The following DLG2 variants were observed in gnomAD, a reference collection of about 807,000 sequenced individuals.
The protein encoded by DLG2 is disks large homolog 2.
In DLG2, 45 loss-of-function variants were observed where a neutral mutation model predicts 132.5. That is an observed-to-expected ratio of 0.34 (90% CI 0.27 to 0.44). DLG2 has a LOEUF of 0.44. Among genes scored for constraint, DLG2 ranks in the 20% least tolerant of loss-of-function variants. DLG2 has a pLI of 1.00. For missense variants in DLG2, 1,045 were observed against 1,196.9 expected (o/e 0.87, Z 1.87); for synonymous variants, 424 against 419.6 (o/e 1.01, Z -0.13).
chr11:84,156,557 A>G lies in DLG2; in HGVS notation c.624+6904T>C, dbSNP rs565693565. ...CCCAACAGCTGCAGAATGTATGGCCATGTGATACTATTTGAACGTTTTGTC... is the reference window on the plus strand; with the variant it reads ...CCCAACAGCTGCAGAATGTATGGCCGTGTGATACTATTTGAACGTTTTGTC... On this transcript the variant is annotated intron_variant, in intron 9 of 27. Coordinates refer to ENST00000376104, the MANE Select transcript of DLG2 (RefSeq NM_001142699.3). 4.6e-5 allele frequency among the ~76,000 whole-genome samples: 7 copies of G among 152,336 alleles called. No homozygotes were observed. In the East Asian group the frequency reaches 1.4e-3, roughly 29 times the overall value.
intron 6 of DLG2, among the ~76,000 whole-genome samples, chr11:84,744,766 CAAAT>C (rs1169025226): frequency 2.0e-5 from 3 of 151,790 alleles, no homozygotes; most frequent in Non-Finnish European, 4.4e-5. Context: ...AGAAGAAAGA[CAAAT>C]AAATAAGTCT....
intron 3 of DLG2, among the ~76,000 whole-genome samples, chr11:85,313,205 G>T (rs1261001242): frequency 6.6e-6 from 1 of 151,824 alleles, no homozygotes; most frequent in Non-Finnish European, 1.5e-5. Context: ...AACTCTTTTG[G>T]CTAGCTAGAA....
rs549492196 is a variant in DLG2, at chr11:84,516,437, C to A, written c.519+18133G>T. On this transcript the variant is annotated intron_variant, in intron 7 of 27. Coordinates refer to ENST00000376104, the MANE Select transcript of DLG2 (RefSeq NM_001142699.3). ...AAGGATCATAGGAGACTATTATGAA[C>A]TATTATATATGGACAAATTGGATAA... Among the ~76,000 whole-genome samples, 4 of 151,528 alleles carry A rather than the reference C, an allele frequency of 2.6e-5. No homozygotes were observed. In the East Asian group the frequency reaches 5.8e-4, roughly 22 times the overall value.
intron 4 of DLG2, among the ~76,000 whole-genome samples, chr11:85,273,824 T>C (rs2077705788): frequency 6.6e-6 from 1 of 152,242 alleles, no homozygotes. Flanking sequence ...ATTGTGGCAC[T>C]ACTCACAATA....
intron 7 of DLG2, among the ~76,000 whole-genome samples, chr11:84,265,686 G>A (rs569649658): frequency 8.0e-4 from 121 of 152,138 alleles, no homozygotes; most frequent in Middle Eastern, 6.8e-3. Context: ...TAAATATAAG[G>A]AAGATAGGTA....
chr11:83,512,420 T>A (rs1455724564), intron 21 of DLG2, among the ~76,000 whole-genome samples: 10 of 152,094 alleles, frequency 6.6e-5, no homozygotes, highest in Admixed American at 6.6e-4. Context: ...AATAAACGAG[T>A]AATACAAATT....
chr11:84,109,723 G>A (rs2093225295), intron 9 of DLG2, among the ~76,000 whole-genome samples: 1 of 152,074 alleles, frequency 6.6e-6, no homozygotes, highest in South Asian at 2.1e-4. Flanking sequence ...TTCCTCTTTT[G>A]TAGTCCCATC....
At chr11:84,700,406 T>G (rs914662109) in intron 6 of DLG2, among the ~76,000 whole-genome samples, 3 of 151,618 alleles carry the variant, frequency 2.0e-5, no homozygotes, top group Non-Finnish European at 4.4e-5. Context: ...TGATGTGTAT[T>G]GAGACATTTT....
chr11:84,162,075 G>A (rs1440488918), intron 9 of DLG2, among the ~76,000 whole-genome samples: 2 of 152,142 alleles, frequency 1.3e-5, no homozygotes, highest in Non-Finnish European at 2.9e-5. Flanking sequence ...AACTAAAAAC[G>A]AGATATAAAT....
At chr11:83,880,161 T>G (rs17558822) in intron 15 of DLG2, among the ~76,000 whole-genome samples, 14,669 of 152,138 alleles carry the variant, frequency 0.096, 845 homozygotes, top group Middle Eastern at 0.2. Flanking sequence ...GGTCTGGTCT[T>G]ACACCTGTTG....
intron 6 of DLG2, among the ~76,000 whole-genome samples, chr11:84,945,572 G>A (rs567026314): frequency 1.5e-4 from 23 of 152,268 alleles, no homozygotes; most frequent in South Asian, 1.0e-3. Context: ...GGTTACCACC[G>A]ATGTTCCCTC....
intron 3 of DLG2, among the ~76,000 whole-genome samples, chr11:85,425,891 A>G (rs538885548): frequency 2.6e-5 from 4 of 152,314 alleles, no homozygotes; most frequent in East Asian, 3.9e-4. Flanking sequence ...TTCCTAGTCA[A>G]AGAAAGGAGT....
rs572642851 is a variant in DLG2, at chr11:83,591,076, G to A, written c.1940+42135C>T. ...CTATCAGAGGTACAAGGAGGAGCTGGTACCATTCCTTCTGAAACTATTCCA... is the reference window on the plus strand; with the variant it reads ...CTATCAGAGGTACAAGGAGGAGCTGATACCATTCCTTCTGAAACTATTCCA... On this transcript the variant is annotated intron_variant, in intron 19 of 27. Transcript: ENST00000376104. 8.2e-3 allele frequency among the ~76,000 whole-genome samples: 1,253 copies of A among 152,248 alleles called. 5 individuals carry two copies. The highest frequency in any genetic ancestry group is 0.041 in the Middle Eastern group (12 of 294).
chr11:84,244,545 T>C (rs538925139), intron 8 of DLG2, among the ~76,000 whole-genome samples: 23 of 152,286 alleles, frequency 1.5e-4, no homozygotes, highest in Non-Finnish European at 2.6e-4. Context: ...AGTTGAGAAA[T>C]GAATTTAGAT....
intron 3 of DLG2, among the ~76,000 whole-genome samples, chr11:85,516,808 G>C (rs2094178137): frequency 6.6e-6 from 1 of 151,936 alleles, no homozygotes. Flanking sequence ...GAAAACCCAG[G>C]ACCGGAGGGA....
chr11:85,146,557 C>T (rs2076875159), intron 5 of DLG2, among the ~76,000 whole-genome samples: 1 of 152,200 alleles, frequency 6.6e-6, no homozygotes, highest in South Asian at 2.1e-4. Context: ...TTAAGGGTTT[C>T]AGGATCCAGC....
At chr11:85,587,722 T>C (rs1265510653) in intron 3 of DLG2, among the ~76,000 whole-genome samples, 1 of 152,232 alleles carries the variant, frequency 6.6e-6, no homozygotes, top group Admixed American at 6.5e-5. Flanking sequence ...GAGGTACTGT[T>C]TTATTCATCG....
chr11:84,113,968 T>A (rs896192225), intron 9 of DLG2, among the ~76,000 whole-genome samples: 2 of 151,986 alleles, frequency 1.3e-5, no homozygotes, highest in African/African-American at 4.8e-5. Context: ...GTAAAAAAAA[T>A]GTCCTATAAA....
intron 19 of DLG2, among the ~76,000 whole-genome samples, chr11:83,557,114 G>A (rs1173641867): frequency 6.6e-6 from 1 of 152,090 alleles, no homozygotes; most frequent in East Asian, 1.9e-4. Flanking sequence ...TTTCTTAGGT[G>A]TTTCTTAAGA....
Sources: gnomAD v4.1 joint callset for allele counts (sites outside exome capture counted in the v4.1 genomes callset) on GRCh38, gnomAD v4.1.1 for gene constraint, MANE v1.5 for transcripts, NCBI Gene and HGNC (gene_info 2026-07-23, HGNC 2026-07-21) for gene names.